The following ZNF385D variants were observed in gnomAD, a reference collection of about 807,000 sequenced individuals.
ZNF385D encodes zinc finger protein 659.
A neutral mutation model predicts 35.8 loss-of-function variants in ZNF385D; 15 were observed. The ratio of observed to expected loss-of-function variants is 0.42; its 90% CI spans 0.28 to 0.64. ZNF385D has a LOEUF of 0.64. Ranked by LOEUF, ZNF385D falls within the 30% of genes least tolerant of loss-of-function variation. The pLI, the probability that ZNF385D is intolerant of heterozygous loss-of-function variation, is 0.23. For synonymous variants in ZNF385D, 212 were observed against 186.8 expected (o/e 1.13, Z -1.10); for missense variants, 474 against 494.6 (o/e 0.96, Z 0.39).
intron 3 of ZNF385D, among the ~76,000 whole-genome samples, chr3:22,089,327 ACT>A (rs1421333231): frequency 3.3e-5 from 5 of 152,184 alleles, no homozygotes; most frequent in African/African-American, 1.2e-4. Flanking sequence ...AAATTAATTG[ACT>A]CTCTAGTCCA....
chr3:21,978,391 G>C (rs61182666), intron 3 of ZNF385D: 7 of 152,194 alleles, frequency 4.6e-5, no homozygotes, highest in Non-Finnish European at 8.8e-5. Context: ...GATATGCTAC[G>C]TGTTTTGCCT....
chr3:22,075,543 T>C (rs1700423783), intron 3 of ZNF385D, among the ~76,000 whole-genome samples: 1 of 151,892 alleles, frequency 6.6e-6, no homozygotes. Flanking sequence ...ATGTAACTCA[T>C]GCCCCTGGTT....
chr3:22,192,743 A>G (rs980161846), intron 2 of ZNF385D, among the ~76,000 whole-genome samples: 2 of 152,158 alleles, frequency 1.3e-5, no homozygotes, highest in African/African-American at 4.8e-5. Flanking sequence ...AATGTGTGAG[A>G]TAATTGTTCT....
intron 3 of ZNF385D, among the ~76,000 whole-genome samples, chr3:21,833,441 G>A (rs1018064530): frequency 3.9e-5 from 6 of 152,078 alleles, no homozygotes; most frequent in Admixed American, 2.6e-4. Context: ...TGAATGCCAC[G>A]CACGTGGAGA....
At chr3:21,924,382 CAA>C (rs1559759033) in intron 3 of ZNF385D, among the ~76,000 whole-genome samples, 1 of 152,132 alleles carries the variant, frequency 6.6e-6, no homozygotes, top group African/African-American at 2.4e-5. Context: ...CCAAAGACAT[CAA>C]AGAGTGCAGA....
At chr3:21,464,743 A>AACACACACACACACACACACACAC (rs6147726) in intron 4 of ZNF385D, among the ~76,000 whole-genome samples, 7,436 of 150,158 alleles carry the variant, frequency 0.05, 311 homozygotes, top group East Asian at 0.21. Context: ...AATAAATTAA[A>AACACACACACACACACACACACAC]ACACACACAC....
chr3:21,775,738 A>G (rs1224099805), intron 3 of ZNF385D, among the ~76,000 whole-genome samples: 1 of 151,832 alleles, frequency 6.6e-6, no homozygotes, highest in African/African-American at 2.4e-5. Context: ...ATAATTAATC[A>G]TTTTCTTATT....
intron 1 of ZNF385D, among the ~76,000 whole-genome samples, chr3:21,739,712 G>A (rs935841732): frequency 1.3e-5 from 2 of 152,160 alleles, no homozygotes; most frequent in African/African-American, 4.8e-5. Context: ...CTTGTACAGA[G>A]ATGATGCAAT....
intron 4 of ZNF385D, among the ~76,000 whole-genome samples, chr3:21,448,220 T>C (rs17008797): frequency 0.026 from 3,894 of 152,132 alleles, 141 homozygotes; most frequent in Admixed American, 0.09. Context: ...GGATAAATCA[T>C]TGAAAATGGT....
At chr3:21,943,138 G>GTATT (rs1222994660) in intron 3 of ZNF385D, among the ~76,000 whole-genome samples, 15 of 151,784 alleles carry the variant, frequency 9.9e-5, no homozygotes, top group African/African-American at 3.6e-4. Context: ...AATGAGGGAA[G>GTATT]TATTAATTTA....
At chr3:21,945,204 A>G (rs372708243) in intron 3 of ZNF385D, among the ~76,000 whole-genome samples, 37 of 152,176 alleles carry the variant, frequency 2.4e-4, no homozygotes, top group African/African-American at 8.7e-4. Context: ...ATTGAGAGAA[A>G]GAGAATGAAA....
intron 2 of ZNF385D, among the ~76,000 whole-genome samples, chr3:22,310,239 A>G (rs1205939412): frequency 6.6e-6 from 1 of 152,044 alleles, no homozygotes; most frequent in African/African-American, 2.4e-5. Context: ...AACAAGAGCA[A>G]GGAATTTAAC....
Position 21,539,194 on chromosome 3 carries a change from A to ACAT in ZNF385D, c.276+25377_276+25379dup, listed in dbSNP as rs956126752. Reference sequence around the variant, plus strand: ...CCCAGGAAGATTCAAGACCACAGAGACATCAGTGAGCCAGTCTGAATGTTT... The same window carrying ACAT: ...CCCAGGAAGATTCAAGACCACAGAGACATCATCAGTGAGCCAGTCTGAATGTTT... On this transcript the variant is annotated intron_variant, in intron 3 of 7. Coordinates refer to ENST00000281523, the MANE Select transcript of ZNF385D (RefSeq NM_024697.3). The surrounding 1 kb of genome is among the most constrained non-coding windows in gnomAD (Gnocchi z 4.0). 2.0e-5 allele frequency among the ~76,000 whole-genome samples: 3 copies of ACAT among 151,792 alleles called. No homozygotes were observed. Among genetic ancestry groups the ACAT allele is most frequent in the Non-Finnish European group, 4.4e-5 (3 of 68,032 alleles).
At chr3:21,546,260 G>A (rs2062368143) in intron 3 of ZNF385D, among the ~76,000 whole-genome samples, 2 of 152,078 alleles carry the variant, frequency 1.3e-5, no homozygotes, top group African/African-American at 4.8e-5. Context: ...GAACTAACAG[G>A]ATGAGTAATG....
intron 3 of ZNF385D, among the ~76,000 whole-genome samples, chr3:22,123,932 CT>C: frequency 1.2e-5 from 1 of 83,470 alleles, no homozygotes; most frequent in African/African-American, 4.4e-5. Flanking sequence ...ATCTCTCTCT[CT>C]CTCTCTCTCT....
chr3:21,499,405 A>G (rs896049183), intron 4 of ZNF385D, among the ~76,000 whole-genome samples: 8 of 152,164 alleles, frequency 5.3e-5, no homozygotes, highest in African/African-American at 1.9e-4. Context: ...GAATATTTTC[A>G]CTTATGAATG....
chr3:21,797,635 C>G (rs530267333), intron 3 of ZNF385D, among the ~76,000 whole-genome samples: 2 of 152,286 alleles, frequency 1.3e-5, no homozygotes, highest in South Asian at 2.1e-4. Flanking sequence ...AACTGTGGTA[C>G]ATCCAGGCAA....
chr3:21,460,135 T>A (rs1407377947), intron 4 of ZNF385D, among the ~76,000 whole-genome samples: 1 of 152,328 alleles, frequency 6.6e-6, no homozygotes, highest in Admixed American at 6.5e-5. Context: ...AGACTCAGGC[T>A]TGACCTCAGT....
In ZNF385D at chr3:21,442,865, A is replaced by G. The variant is rs958966890; in HGVS notation, c.440-5662T>C. ...TGTGTATGCATGTGCATGTATGGCT[A>G]TATGTGTATATCTGTGTATAAGTGT... On this transcript the variant is annotated intron_variant, in intron 4 of 7. Coordinates refer to ENST00000281523, the MANE Select transcript of ZNF385D (RefSeq NM_024697.3). 6.0e-5 allele frequency among the ~76,000 whole-genome samples: 8 copies of G among 134,110 alleles called. No individual in the cohort carries two copies. In the South Asian group the frequency reaches 1.8e-3, roughly 30 times the overall value. 88.0% of individuals were successfully genotyped at this position (134,110 alleles called of 152,430 possible). A position where few individuals can be genotyped will look rare whatever the true frequency, so the allele number is the denominator to read the frequency against.
Sources: gnomAD v4.1 joint callset for allele counts (sites outside exome capture counted in the v4.1 genomes callset) on GRCh38, gnomAD v4.1.1 for gene constraint, Gnocchi (gnomAD v3.1) non-coding constraint, MANE v1.5 for transcripts, NCBI Gene and HGNC (gene_info 2026-07-23, HGNC 2026-07-21) for gene names.